Variants in TBC1D22A observed in about 807,000 individuals in gnomAD.
The protein encoded by TBC1D22A is putative GTPase activator.
In TBC1D22A, 38 loss-of-function variants were observed where a neutral mutation model predicts 60.2. The ratio of observed to expected loss-of-function variants is 0.63; its 90% CI spans 0.49 to 0.83. The LOEUF (loss-of-function observed/expected upper bound fraction) is 0.83, where lower values mean the gene tolerates loss of function less well. TBC1D22A is among the 40% of genes least tolerant of loss of function. The probability of loss-of-function intolerance (pLI) is 0.00; values close to 1 mark genes in which losing one functional copy is unlikely to be tolerated. For missense variants in TBC1D22A, 628 were observed against 701.0 expected, an observed-to-expected ratio of 0.90 and a Z score of 1.18; for synonymous variants, 302 against 281.7, an observed-to-expected ratio of 1.07 and a Z score of -0.72.
At chr22:46,813,667 A>G (rs2147051576) in intron 4 of TBC1D22A, among the ~76,000 whole-genome samples, 1 of 152,314 alleles carries the variant, frequency 6.6e-6, no homozygotes, top group African/African-American at 2.4e-5. Context: ...GCCCTTAAGC[A>G]TATGTCAGAA....
intron 3 of TBC1D22A, 75 bp from the exon 4 acceptor site, chr22:46,797,369 C>T: frequency 1.3e-6 from 2 of 1,542,788 alleles, no homozygotes; most frequent in Non-Finnish European, 1.8e-6. Flanking sequence ...CACAAAGGGA[C>T]AGTGGCACAG....
intron 4 of TBC1D22A, among the ~76,000 whole-genome samples, chr22:46,841,526 A>T (rs879765078): frequency 7.2e-5 from 11 of 152,242 alleles, no homozygotes; most frequent in Non-Finnish European, 1.3e-4. Flanking sequence ...AAAAGAAGGT[A>T]ACCCTGTCAT....
chr22:47,143,328 T>G (rs2067174589), intron 12 of TBC1D22A, among the ~76,000 whole-genome samples: 1 of 152,196 alleles, frequency 6.6e-6, no homozygotes, highest in Non-Finnish European at 1.5e-5. Context: ...CTGGCCTGAG[T>G]ACTTGGCAGT....
chr22:46,840,895 A>C (rs969176004), intron 4 of TBC1D22A, among the ~76,000 whole-genome samples: 4 of 152,192 alleles, frequency 2.6e-5, no homozygotes, highest in Non-Finnish European at 4.4e-5. Flanking sequence ...ATGATCCAGC[A>C]ATCCCACTTC....
chr22:47,016,005 C>T (rs1183393679), intron 10 of TBC1D22A, among the ~76,000 whole-genome samples: 2 of 151,854 alleles, frequency 1.3e-5, no homozygotes, highest in Non-Finnish European at 2.9e-5. Flanking sequence ...ACTCCACGTG[C>T]CCCCCTGGGA....
At chr22:47,110,345 G>A (rs1203124391) in intron 11 of TBC1D22A, among the ~76,000 whole-genome samples, 1 of 152,086 alleles carries the variant, frequency 6.6e-6, no homozygotes, top group Non-Finnish European at 1.5e-5. Flanking sequence ...CAGGTGTGGT[G>A]GCGCACGTCT....
At chr22:47,001,563 G>A (rs186637658) in intron 10 of TBC1D22A, among the ~76,000 whole-genome samples, 1 of 151,760 alleles carries the variant, frequency 6.6e-6, no homozygotes, top group East Asian at 1.9e-4. Context: ...TTCATTATAT[G>A]TCGTTTTGCT....
At chr22:46,958,917 G>A (rs903180722) in intron 8 of TBC1D22A, among the ~76,000 whole-genome samples, 3 of 152,204 alleles carry the variant, frequency 2.0e-5, no homozygotes, top group African/African-American at 7.2e-5. Context: ...AATGCATGGA[G>A]ACACAAGATG....
At chr22:47,153,221 TCTC>T (rs1346909609) in intron 12 of TBC1D22A, among the ~76,000 whole-genome samples, 1 of 152,170 alleles carries the variant, frequency 6.6e-6, no homozygotes, top group Non-Finnish European at 1.5e-5. Context: ...TCTATAAGCT[TCTC>T]CTGAATTCCA....
chr22:47,150,597 C>T (rs1194678341), intron 12 of TBC1D22A, among the ~76,000 whole-genome samples: 3 of 152,226 alleles, frequency 2.0e-5, no homozygotes, highest in Non-Finnish European at 2.9e-5. Context: ...TGGGCCTTCT[C>T]GCCGAGCTGT....
At chr22:47,172,816 C>G (rs1455491550) in intron 12 of TBC1D22A, among the ~76,000 whole-genome samples, 1 of 152,208 alleles carries the variant, frequency 6.6e-6, no homozygotes, top group African/African-American at 2.4e-5. Flanking sequence ...AGCCCTGCAC[C>G]CCAACCCACT....
chr22:46,987,343 TTGCTA>T (rs1164486924), intron 9 of TBC1D22A, among the ~76,000 whole-genome samples: 1 of 152,216 alleles, frequency 6.6e-6, no homozygotes, highest in East Asian at 1.9e-4. Context: ...TCTAGTAATC[TTGCTA>T]GAGTCACTTA....
At chr22:47,046,697 G>A (rs4483) in intron 11 of TBC1D22A, among the ~76,000 whole-genome samples, 101,352 of 152,128 alleles carry the variant, frequency 0.67, 34,209 homozygotes, top group East Asian at 0.92. Flanking sequence ...CTGTGATGGC[G>A]CCTGGGCCCC....
At chr22:46,826,089 G>A (rs1042751150) in intron 4 of TBC1D22A, among the ~76,000 whole-genome samples, 10 of 152,002 alleles carry the variant, frequency 6.6e-5, no homozygotes, top group South Asian at 4.1e-4. Flanking sequence ...CACCGTGTTA[G>A]CCATGATGGT....
intron 12 of TBC1D22A, among the ~76,000 whole-genome samples, chr22:47,144,462 G>C (rs2067218149): frequency 1.3e-5 from 2 of 152,222 alleles, no homozygotes; most frequent in African/African-American, 4.8e-5. Context: ...TGAGGCCTTG[G>C]GTCGCCACGC....
chr22:46,889,003 C>T (rs931323379), intron 5 of TBC1D22A, among the ~76,000 whole-genome samples: 2 of 152,044 alleles, frequency 1.3e-5, no homozygotes, highest in African/African-American at 4.8e-5. Context: ...CGCGTCTGTC[C>T]AAAAATCTTT....
At chr22:47,065,077 G>A (rs1302433890) in intron 11 of TBC1D22A, among the ~76,000 whole-genome samples, 1 of 152,162 alleles carries the variant, frequency 6.6e-6, no homozygotes, top group African/African-American at 2.4e-5. Flanking sequence ...TCCGCCTCCC[G>A]GGTTCAAGCG....
chr22:46,793,576 G>C lies in TBC1D22A; in HGVS notation c.195G>C (p.Glu65Asp), dbSNP rs749915646. 1.9e-6 allele frequency: 3 copies of C among 1,614,026 alleles called. No individual in the cohort carries two copies. The highest frequency in any genetic ancestry group is 2.5e-6 in the Non-Finnish European group (3 of 1,180,050). Residue 65 changes from glutamate (E) to aspartate (D), a missense_variant, in exon 3 of 13, where the codon GAG becomes GAC. Physicochemically the swap from Glu to Asp is conservative, Grantham distance 45 (BLOSUM62 2). Transcript: ENST00000337137. ...AKRVSTFQEFESNTSDAWDAG... is the reference protein window; with the variant it reads ...AKRVSTFQEFDSNTSDAWDAG... ...GGGTCAGCACCTTCCAGGAGTTTGA[G>C]AGCAATACCAGCGATGCCTGGGACG...
intron 1 of TBC1D22A, among the ~76,000 whole-genome samples, chr22:46,781,467 C>T (rs886710260): frequency 1.3e-5 from 2 of 152,204 alleles, no homozygotes; most frequent in Non-Finnish European, 1.5e-5. Context: ...TGAGCCACCA[C>T]GCCCAACCCC....
Sources: allele counts gnomAD v4.1 joint callset (sites outside exome capture counted in the v4.1 genomes callset), GRCh38; gene constraint gnomAD v4.1.1; transcripts MANE v1.5; gene names NCBI Gene and HGNC (gene_info 2026-07-23, HGNC 2026-07-21).